The following DPH6 variants were observed in gnomAD, a reference collection of about 807,000 sequenced individuals.
DPH6 encodes diphthamine biosynthesis 6, also known as diphthine--ammonia ligase.
Under a neutral mutation model 38.2 loss-of-function variants are expected in DPH6, and 33 were observed. The observed-to-expected ratio is 0.86, with a 90% CI of 0.65 to 1.15. The LOEUF is 1.15. DPH6 is among the 50% of genes most tolerant of loss of function. The pLI is 0.00. For missense variants in DPH6, 325 were observed against 320.0 expected, an observed-to-expected ratio of 1.02 and a Z score of -0.12; for synonymous variants, 108 against 103.0, an observed-to-expected ratio of 1.05 and a Z score of -0.30.
chr15:35,356,481 T>C (rs1019839893), intron 3 of DPH6, among the ~76,000 whole-genome samples: 1 of 152,220 alleles, frequency 6.6e-6, no homozygotes, highest in Non-Finnish European at 1.5e-5. Context: ...TCCTTTCTTT[T>C]TGTTAGTTTT....
chr15:35,192,156 G>T, the DPH6 span, among the ~76,000 whole-genome samples: 1 of 152,148 alleles, frequency 6.6e-6, no homozygotes, highest in African/African-American at 2.4e-5. Context: ...TTAAGACAGG[G>T]TTAAACATGA....
intron 3 of DPH6, among the ~76,000 whole-genome samples, chr15:35,253,719 C>T (rs2051689661): frequency 6.6e-6 from 1 of 152,162 alleles, no homozygotes; most frequent in South Asian, 2.1e-4. Context: ...CCTAAAAATC[C>T]AGACCACAGA....
intron 3 of DPH6, among the ~76,000 whole-genome samples, chr15:35,317,181 C>A (rs1386868243): frequency 6.6e-6 from 1 of 151,846 alleles, no homozygotes; most frequent in Non-Finnish European, 1.5e-5. Flanking sequence ...ATTGCTTGAG[C>A]CTGGAAGGCG....
At chr15:35,544,198 A>T (rs1008302946) in intron 1 of DPH6, among the ~76,000 whole-genome samples, 1 of 152,206 alleles carries the variant, frequency 6.6e-6, no homozygotes, top group African/African-American at 2.4e-5. Flanking sequence ...TTAGGTTTGC[A>T]TACTTCATTG....
At chr15:35,265,114 T>C (rs908191615) in intron 3 of DPH6, among the ~76,000 whole-genome samples, 1 of 152,010 alleles carries the variant, frequency 6.6e-6, no homozygotes, top group African/African-American at 2.4e-5. Context: ...CCACACAAGC[T>C]AGCGGTCAGA....
At chr15:35,540,266 C>T (rs990804932) in intron 2 of DPH6, among the ~76,000 whole-genome samples, 2 of 152,060 alleles carry the variant, frequency 1.3e-5, no homozygotes, top group African/African-American at 2.4e-5. Context: ...CCTGAAGCAA[C>T]TCAATTAACA....
intron 3 of DPH6, among the ~76,000 whole-genome samples, chr15:35,534,371 C>A: frequency 1.0e-5 from 1 of 100,158 alleles, no homozygotes. Flanking sequence ...GAGCGTAACT[C>A]TGTCTCAAAA....
rs192564697 is a variant in DPH6 at position 35,539,374 on chromosome 15, T to C, written c.119-907A>G. ...ATTTTCTAAAGTATGTTCTGCGGAA[T>C]ACAAATCCCATAAGACATTAATAGG... On this transcript the variant is annotated intron_variant, in intron 2 of 8. Coordinates refer to ENST00000256538, the MANE Select transcript of DPH6 (RefSeq NM_080650.4). Among the ~76,000 whole-genome samples the C allele has an allele frequency of 2.1e-3, 326 of 152,140 alleles. 2 individuals carry two copies. The highest frequency in any genetic ancestry group is 7.6e-3 in the African/African-American group (316 of 41,542).
At chr15:35,489,431 A>C in intron 3 of DPH6, 3 of 984,984 alleles carry the variant, frequency 3.0e-6, no homozygotes, top group Non-Finnish European at 3.6e-6. Flanking sequence ...TGTTTCTGTC[A>C]TTTGTAGCCC....
At chr15:35,329,707 A>G (rs922019524), downstream of DPH6, among the ~76,000 whole-genome samples, 2 of 152,174 alleles carry the variant, frequency 1.3e-5, no homozygotes, top group African/African-American at 4.8e-5. Flanking sequence ...GTTTCTTCAG[A>G]TGACAGCATC....
chr15:35,190,980 G>A, the DPH6 span, among the ~76,000 whole-genome samples: 9 of 152,188 alleles, frequency 5.9e-5, no homozygotes, highest in Admixed American at 2.0e-4. Context: ...TTTTGATTCT[G>A]AGGTAGCTTC....
intron 5 of DPH6, among the ~76,000 whole-genome samples, chr15:35,428,729 T>G (rs908483688): frequency 1.3e-5 from 2 of 152,104 alleles, no homozygotes; most frequent in Non-Finnish European, 2.9e-5. Context: ...ATAAAAATCC[T>G]CATTCTCGTT....
chr15:35,211,962 C>T, the DPH6 span, among the ~76,000 whole-genome samples: 1 of 152,182 alleles, frequency 6.6e-6, no homozygotes, highest in Non-Finnish European at 1.5e-5. Flanking sequence ...AATTACCAGA[C>T]AAACAGAAGA....
At chr15:35,455,586 T>C (rs973750862) in intron 3 of DPH6, among the ~76,000 whole-genome samples, 2 of 152,080 alleles carry the variant, frequency 1.3e-5, no homozygotes, top group African/African-American at 4.8e-5. Context: ...ATGGACAACA[T>C]GGGGATTTGA....
chr15:35,436,420 G>A (rs368473395), intron 5 of DPH6, among the ~76,000 whole-genome samples: 1 of 150,274 alleles, frequency 6.7e-6, no homozygotes, highest in Non-Finnish European at 1.5e-5. Flanking sequence ...GAGCCGAGAT[G>A]GCGCCACTGC....
intron 5 of DPH6, among the ~76,000 whole-genome samples, chr15:35,420,359 A>G (rs780106536): frequency 5.3e-5 from 8 of 152,148 alleles, no homozygotes; most frequent in Admixed American, 2.6e-4. Context: ...AAGGATCTCA[A>G]ATAAACAACC....
At chr15:35,259,703 C>A (rs545697469) in intron 3 of DPH6, among the ~76,000 whole-genome samples, 118 of 152,324 alleles carry the variant, frequency 7.7e-4, no homozygotes, top group Admixed American at 1.6e-3. Flanking sequence ...AGCTACTGAG[C>A]AGCCAATATA....
chr15:35,373,588 A>G lies in DPH6; in HGVS notation c.683T>C (p.Ile228Thr). The change falls in exon 8 of 9, where the codon ATA (isoleucine) becomes ACA (threonine). Residue 228 changes from isoleucine to threonine, a missense_variant. Coordinates refer to ENST00000256538, the MANE Select transcript of DPH6 (RefSeq NM_080650.4). ...KIIVDSSEVV[I>T]HSADAFAPVA... ...AGGTGCAAATGCATCAGCTGAATGT[A>G]TGACTACTTCTGATGAATCCCTGAA... The G allele has an allele frequency of 1.2e-6, 2 of 1,609,198 alleles. No homozygotes were observed. Among genetic ancestry groups the G allele is most frequent in the Admixed American group, 1.7e-5 (1 of 59,138 alleles).
At chr15:35,277,309 C>A (rs1247506983) in intron 3 of DPH6, among the ~76,000 whole-genome samples, 1 of 151,894 alleles carries the variant, frequency 6.6e-6, no homozygotes. Flanking sequence ...TCTATCAGTT[C>A]TAGGAGCTTT....
Sources: gnomAD v4.1 joint callset for allele counts (sites outside exome capture counted in the v4.1 genomes callset) on GRCh38, gnomAD v4.1.1 for gene constraint, MANE v1.5 for transcripts, NCBI Gene and HGNC (gene_info 2026-07-23, HGNC 2026-07-21) for gene names.